MGMT: variants seen among roughly 807,000 people sequenced by gnomAD.
MGMT encodes the protein methylated-DNA--protein-cysteine methyltransferase.
MGMT carries 14 observed loss-of-function variants against 15.9 expected under a neutral mutation model. The observed-to-expected ratio is 0.88, with a 90% confidence interval of 0.58 to 1.37. MGMT has a LOEUF of 1.37. MGMT is among the 40% of genes most tolerant of loss of function. MGMT has a pLI of 0.00. For synonymous variants in MGMT, 130 were observed against 118.2 expected (o/e 1.10, Z -0.65); for missense variants, 282 against 268.1 (o/e 1.05, Z -0.36).
intron 2 of MGMT, among the ~76,000 whole-genome samples, chr10:129,643,713 C>T (rs915765511): frequency 6.6e-6 from 1 of 152,220 alleles, no homozygotes; most frequent in Non-Finnish European, 1.5e-5. Flanking sequence ...TTAACCACCT[C>T]TTCGTGGTGC....
At chr10:129,554,299 C>T (rs1846189496) in intron 2 of MGMT, among the ~76,000 whole-genome samples, 1 of 152,220 alleles carries the variant, frequency 6.6e-6, no homozygotes, top group Non-Finnish European at 1.5e-5. Flanking sequence ...TTCCATTAAT[C>T]AGTGATAGTC....
At position 129,740,933 on chromosome 10, in the gene MGMT, C is replaced by T. The variant is rs750241372; in HGVS notation, c.275-18269C>T. ...CCAGCTACCAAAATTTCCAGACCTACGTTACCATCTTCAAATGAGTGCCCC... is the reference window on the plus strand; with the variant it reads ...CCAGCTACCAAAATTTCCAGACCTATGTTACCATCTTCAAATGAGTGCCCC... On this transcript the variant is annotated intron_variant, in intron 3 of 4. Coordinates refer to ENST00000651593, the MANE Select transcript of MGMT (RefSeq NM_002412.5). Among the ~76,000 whole-genome samples, 5 of 152,328 alleles carry T rather than the reference C, an allele frequency of 3.3e-5. No individual in the cohort carries two copies. In the South Asian group the frequency reaches 1.0e-3, roughly 32 times the overall value.
intron 2 of MGMT, among the ~76,000 whole-genome samples, chr10:129,637,860 C>T (rs1847279908): frequency 6.6e-6 from 1 of 152,166 alleles, no homozygotes; most frequent in South Asian, 2.1e-4. Flanking sequence ...TCTGCCAACA[C>T]CTTGAACCTA....
chr10:129,579,319 C>T (rs1468201816), intron 2 of MGMT, among the ~76,000 whole-genome samples: 1 of 152,214 alleles, frequency 6.6e-6, no homozygotes, highest in South Asian at 2.1e-4. Flanking sequence ...CACACCTGTG[C>T]TCACCTGTAC....
Position 129,769,701 on chromosome 10 carries a change from C to T in MGMT, c.*2704C>T, listed in dbSNP as rs533388041. On this transcript the variant is annotated 3_prime_UTR_variant, in exon 5 of 5. Transcript: ENST00000651593. ...GAGTTTTGTGAGGGGTTGTCCTTCT[C>T]CCAGTCTCTCTTCCCGCTGGGAACA... Among the ~76,000 whole-genome samples the T allele has an allele frequency of 5.3e-5, 8 of 152,332 alleles. No individual in the cohort carries two copies. Among genetic ancestry groups the T allele is most frequent in the African/African-American group, 1.9e-4 (8 of 41,570 alleles).
chr10:129,746,694 C>G (rs1231253516), intron 3 of MGMT, among the ~76,000 whole-genome samples: 1 of 152,126 alleles, frequency 6.6e-6, no homozygotes, highest in Non-Finnish European at 1.5e-5. Flanking sequence ...CATCAATACT[C>G]CAACAAGCTG....
chr10:129,606,679 T>A (rs184674851), intron 2 of MGMT, among the ~76,000 whole-genome samples: 442 of 152,338 alleles, frequency 2.9e-3, no homozygotes, highest in South Asian at 5.2e-3. Flanking sequence ...TAAAGTGGGT[T>A]TGTTTATTTG....
At chr10:129,617,753 C>A (rs569667497) in intron 2 of MGMT, among the ~76,000 whole-genome samples, 12 of 151,894 alleles carry the variant, frequency 7.9e-5, no homozygotes, top group African/African-American at 2.9e-4. Context: ...TTGTTCATGT[C>A]CTTTGCCCAC....
At chr10:129,648,613 T>A (rs776779203) in intron 2 of MGMT, among the ~76,000 whole-genome samples, 3 of 152,256 alleles carry the variant, frequency 2.0e-5, no homozygotes, top group Admixed American at 6.5e-5. Context: ...AACATTGATT[T>A]CTAAAAGAAA....
At chr10:129,764,725 C>T (rs917055384) in intron 4 of MGMT, among the ~76,000 whole-genome samples, 2 of 152,188 alleles carry the variant, frequency 1.3e-5, no homozygotes, top group Non-Finnish European at 2.9e-5. Flanking sequence ...CGGGGGTACC[C>T]GGAGTGATAC....
intron 2 of MGMT, among the ~76,000 whole-genome samples, chr10:129,579,397 C>T: frequency 6.6e-6 from 1 of 152,206 alleles, no homozygotes; most frequent in East Asian, 1.9e-4. Context: ...GGAGGGTGGG[C>T]AGAGCTTTCT....
chr10:129,507,313 A>G (rs1845635815), intron 1 of MGMT, among the ~76,000 whole-genome samples: 1 of 152,120 alleles, frequency 6.6e-6, no homozygotes, highest in Admixed American at 6.6e-5. Context: ...GAGCATGTAG[A>G]TGGAGGACAA....
intron 2 of MGMT, among the ~76,000 whole-genome samples, chr10:129,671,865 G>A (rs1319659279): frequency 6.6e-6 from 1 of 152,206 alleles, no homozygotes; most frequent in Non-Finnish European, 1.5e-5. Context: ...TGCAACCTCA[G>A]ATTGGCTATG....
At chr10:129,652,262 G>C in intron 2 of MGMT, among the ~76,000 whole-genome samples, 1 of 152,256 alleles carries the variant, frequency 6.6e-6, no homozygotes, top group East Asian at 1.9e-4. Flanking sequence ...TCAGAACTGG[G>C]GGGCTCGGCC....
chr10:129,542,102 G>A (rs933819047), intron 2 of MGMT, among the ~76,000 whole-genome samples: 8 of 152,164 alleles, frequency 5.3e-5, no homozygotes, highest in African/African-American at 1.7e-4. Context: ...TTCTGCCCTC[G>A]AAACGTGCCC....
intron 3 of MGMT, among the ~76,000 whole-genome samples, chr10:129,732,762 G>A (rs1278755141): frequency 1.4e-5 from 2 of 141,698 alleles, no homozygotes; most frequent in Admixed American, 7.6e-5. Context: ...CTGTGTCCAT[G>A]TGTTCTCATT....
intron 2 of MGMT, among the ~76,000 whole-genome samples, chr10:129,656,718 A>G (rs910587340): frequency 6.6e-6 from 1 of 152,164 alleles, no homozygotes; most frequent in Non-Finnish European, 1.5e-5. Flanking sequence ...GTGAGAGTCA[A>G]GTGGTTGCAC....
At chr10:129,737,115 G>T (rs1325076499) in intron 3 of MGMT, among the ~76,000 whole-genome samples, 1 of 152,098 alleles carries the variant, frequency 6.6e-6, no homozygotes, top group Admixed American at 6.5e-5. Flanking sequence ...TGCCTTGCTA[G>T]ATTGGGGAAG....
intron 2 of MGMT, among the ~76,000 whole-genome samples, chr10:129,578,871 A>G (rs1048218582): frequency 1.3e-5 from 2 of 152,338 alleles, no homozygotes. Context: ...AGTCTCTTTG[A>G]GTTGCCACCC....
Sources: allele counts gnomAD v4.1 joint callset (sites outside exome capture counted in the v4.1 genomes callset), GRCh38; gene constraint gnomAD v4.1.1; transcripts MANE v1.5; gene names NCBI Gene and HGNC (gene_info 2026-07-23, HGNC 2026-07-21).